FRMD6: variants seen among roughly 807,000 people sequenced by gnomAD.
The protein encoded by FRMD6 is FERM domain-containing protein 6.
Under a neutral mutation model 73.2 loss-of-function variants are expected in FRMD6, and 37 were observed. That is an observed-to-expected ratio of 0.51 (90% CI 0.39 to 0.66). The LOEUF is 0.66. Among genes scored for constraint, FRMD6 ranks in the 30% least tolerant of loss-of-function variants. FRMD6 has a pLI of 0.00. For synonymous variants in FRMD6, 273 were observed against 282.2 expected (o/e 0.97, Z 0.33); for missense variants, 714 against 780.5 (o/e 0.91, Z 1.02).
chr14:51,598,445 T>C (rs1889841305), intron 2 of FRMD6, among the ~76,000 whole-genome samples: 1 of 152,208 alleles, frequency 6.6e-6, no homozygotes, highest in South Asian at 2.1e-4. Flanking sequence ...GGGGTACATG[T>C]ACAAGTTTGT....
intron 1 of FRMD6, among the ~76,000 whole-genome samples, chr14:51,513,148 G>A (rs1008607359): frequency 2.6e-5 from 4 of 152,146 alleles, no homozygotes; most frequent in Non-Finnish European, 5.9e-5. Flanking sequence ...AGAATCACAG[G>A]AGCGGCCTTC....
chr14:51,453,842 G>T, the FRMD6 span, among the ~76,000 whole-genome samples: 2 of 152,116 alleles, frequency 1.3e-5, no homozygotes, highest in African/African-American at 4.8e-5. Context: ...GTGGGAGGCT[G>T]GTGTATAAAT....
At chr14:51,626,031 A>G (rs10484083) in intron 2 of FRMD6, among the ~76,000 whole-genome samples, 1,699 of 152,336 alleles carry the variant, frequency 0.011, 11 homozygotes, top group Non-Finnish European at 0.016. Context: ...TGAAAGTAAG[A>G]AGATGCTGTA....
At chr14:51,415,971 T>C in the FRMD6 span, among the ~76,000 whole-genome samples, 6 of 152,214 alleles carry the variant, frequency 3.9e-5, no homozygotes, top group Admixed American at 6.5e-5. Flanking sequence ...TGATGGTAGT[T>C]TGTATTTCTG....
the FRMD6 span, among the ~76,000 whole-genome samples, chr14:51,483,849 T>G: frequency 6.6e-6 from 1 of 152,234 alleles, no homozygotes; most frequent in African/African-American, 2.4e-5. Flanking sequence ...AGTGTATTGT[T>G]TGTTTCATGT....
chr14:51,459,904 T>TTTTTTTTTTTC, the FRMD6 span, among the ~76,000 whole-genome samples: 1 of 146,022 alleles, frequency 6.8e-6, no homozygotes, highest in African/African-American at 2.5e-5. Flanking sequence ...TTTTTTTTTT[T>TTTTTTTTTTTC]ACAAACTTCG....
intron 1 of FRMD6, among the ~76,000 whole-genome samples, chr14:51,552,497 A>G (rs530372484): frequency 6.6e-6 from 1 of 152,306 alleles, no homozygotes; most frequent in Non-Finnish European, 1.5e-5. Context: ...AGTGGCGCAG[A>G]TGGGAACCCA....
intron 1 of FRMD6, among the ~76,000 whole-genome samples, chr14:51,687,243 C>G (rs1566564652): frequency 6.6e-6 from 1 of 151,916 alleles, no homozygotes; most frequent in Non-Finnish European, 1.5e-5. Flanking sequence ...TAGACATACC[C>G]TGCTTTAATT....
the FRMD6 span, among the ~76,000 whole-genome samples, chr14:51,422,478 A>G: frequency 9.9e-5 from 15 of 152,260 alleles, no homozygotes; most frequent in Non-Finnish European, 1.3e-4. Context: ...AATATTGATT[A>G]CAAATTGAAT....
At chr14:51,715,537 T>A in intron 10 of FRMD6, 38 bp downstream of exon 10, 1 of 1,519,620 alleles carries the variant, frequency 6.6e-7, no homozygotes, top group Non-Finnish European at 8.9e-7. Flanking sequence ...AAATTGTACC[T>A]TTGCCACCTG....
chr14:51,484,713 G>A (rs555424950), upstream of FRMD6, among the ~76,000 whole-genome samples: 4 of 152,348 alleles, frequency 2.6e-5, no homozygotes, highest in South Asian at 2.1e-4. Context: ...CTGGAAGAGA[G>A]CCTAGGAAAT....
intron 1 of FRMD6, among the ~76,000 whole-genome samples, chr14:51,505,776 G>C (rs1000577169): frequency 2.0e-5 from 3 of 151,926 alleles, no homozygotes; most frequent in Non-Finnish European, 2.9e-5. Context: ...CCCTCGACTC[G>C]ATCACCCTTT....
intron 1 of FRMD6, among the ~76,000 whole-genome samples, chr14:51,668,288 G>A (rs760244821): frequency 5.3e-5 from 8 of 152,044 alleles, no homozygotes; most frequent in South Asian, 4.1e-4. Context: ...TACTAAGGAC[G>A]GTTGCTTGAT....
At chr14:51,488,033 G>A (rs1349377882), upstream of FRMD6, among the ~76,000 whole-genome samples, 3 of 152,196 alleles carry the variant, frequency 2.0e-5, no homozygotes, top group Non-Finnish European at 4.4e-5. Flanking sequence ...GTAGTAACGA[G>A]ATCTGCTTTC....
chr14:51,462,472 G>C, the FRMD6 span, among the ~76,000 whole-genome samples: 126,330 of 152,088 alleles, frequency 0.83, 52,682 homozygotes, highest in African/African-American at 0.9. Context: ...GCAGGCCCTT[G>C]CTGAGTTTAG....
intron 1 of FRMD6, among the ~76,000 whole-genome samples, chr14:51,507,850 A>T (rs973348315): frequency 6.6e-6 from 1 of 152,186 alleles, no homozygotes; most frequent in African/African-American, 2.4e-5. Context: ...ATCATTCCCC[A>T]AACCCACAGG....
At chr14:51,661,689 G>C (rs1045929017) in intron 1 of FRMD6, among the ~76,000 whole-genome samples, 1 of 152,248 alleles carries the variant, frequency 6.6e-6, no homozygotes, top group Admixed American at 6.5e-5. Context: ...GGTGAAGACT[G>C]AGAGTTGCTC....
At chr14:51,573,032 A>G (rs1888215190) in intron 2 of FRMD6, among the ~76,000 whole-genome samples, 1 of 152,196 alleles carries the variant, frequency 6.6e-6, no homozygotes, top group South Asian at 2.1e-4. Flanking sequence ...CACAAAAATC[A>G]TCTGAGAGAA....
intron 9 of FRMD6, among the ~76,000 whole-genome samples, chr14:51,713,379 A>C (rs1594773752): frequency 6.7e-6 from 1 of 150,160 alleles, no homozygotes; most frequent in South Asian, 2.1e-4. Context: ...AATCTCTTGA[A>C]CCCGAGAGGC....
Sources: gnomAD v4.1 joint callset for allele counts (sites outside exome capture counted in the v4.1 genomes callset) on GRCh38, gnomAD v4.1.1 for gene constraint, MANE v1.5 for transcripts, NCBI Gene and HGNC (gene_info 2026-07-23, HGNC 2026-07-21) for gene names.